NEGR1: variants seen among roughly 807,000 people sequenced by gnomAD.
The protein encoded by NEGR1 is neuronal growth regulator 1, also known as IgLON family member 4.
NEGR1 carries 10 observed loss-of-function variants against 40.9 expected under a neutral mutation model. The observed-to-expected ratio is 0.24, with a 90% CI of 0.15 to 0.42. The LOEUF is 0.42. NEGR1 is among the 10% of genes least tolerant of loss of function. The pLI, the probability that NEGR1 is intolerant of heterozygous loss-of-function variation, is 1.00. For missense variants in NEGR1, 352 were observed against 438.9 expected, an observed-to-expected ratio of 0.80 and a Z score of 1.77; for synonymous variants, 185 against 166.8, an observed-to-expected ratio of 1.11 and a Z score of -0.84.
chr1:71,418,250 A>C (rs1275925347), intron 6 of NEGR1, among the ~76,000 whole-genome samples: 1 of 151,784 alleles, frequency 6.6e-6, no homozygotes, highest in Non-Finnish European at 1.5e-5. Flanking sequence ...TGCAACTTTC[A>C]AAAACAGAAA....
chr1:71,489,572 TTAA>T (rs1217923476), intron 6 of NEGR1: 1 of 151,966 alleles, frequency 6.6e-6, no homozygotes, highest in African/African-American at 2.4e-5. Context: ...CATGGCTGTG[TTAA>T]TAATAATCCA....
At chr1:72,073,952 CA>C in intron 1 of NEGR1, among the ~76,000 whole-genome samples, 1 of 151,972 alleles carries the variant, frequency 6.6e-6, no homozygotes, top group South Asian at 2.1e-4. Context: ...TATAGAAATA[CA>C]AAAGTTTTGA....
chr1:71,439,993 C>A (rs543466457), intron 6 of NEGR1, among the ~76,000 whole-genome samples: 4 of 152,060 alleles, frequency 2.6e-5, no homozygotes, highest in African/African-American at 7.2e-5. Context: ...GTACTTCCTG[C>A]ATAATTTTAT....
At chr1:71,987,509 G>A (rs1646405798) in intron 1 of NEGR1, among the ~76,000 whole-genome samples, 1 of 152,254 alleles carries the variant, frequency 6.6e-6, no homozygotes, top group East Asian at 1.9e-4. Context: ...CAAAGAAAGG[G>A]GCAGAAACAG....
In NEGR1 at chr1:72,101,411, T is replaced by C. The variant is rs113607601; in HGVS notation, c.177-166100A>G. Among the ~76,000 whole-genome samples the C allele has an allele frequency of 6.5e-3, 985 of 152,240 alleles. 14 individuals are homozygous for C. The highest frequency in any genetic ancestry group is 0.023 in the African/African-American group (946 of 41,566). Reference sequence around the variant, plus strand: ...GCAAAGGAATGCTTTTAAAATATTGTTCAATGGTAAATGTGGAATGTAAAA... The same window carrying C: ...GCAAAGGAATGCTTTTAAAATATTGCTCAATGGTAAATGTGGAATGTAAAA... On this transcript the variant is annotated intron_variant, in intron 1 of 6. Transcript: ENST00000357731.
Position 72,073,536 on chromosome 1 carries a change from A to G in NEGR1, c.177-138225T>C, listed in dbSNP as rs189285829. 2.7e-4 allele frequency among the ~76,000 whole-genome samples: 41 copies of G among 152,258 alleles called. No homozygotes were observed. The Middle Eastern group carries it at 0.01, about 38-fold the overall frequency. ...AACACTGTAAGGACTTTGTAATTAT[A>G]ATTACAAGAAATGCACAATGTGATA... On this transcript the variant is annotated intron_variant, in intron 1 of 6. Transcript: ENST00000357731.
intron 2 of NEGR1, among the ~76,000 whole-genome samples, chr1:71,914,592 C>T (rs1661518791): frequency 6.6e-6 from 1 of 152,134 alleles, no homozygotes; most frequent in African/African-American, 2.4e-5. Context: ...TCTCTCTTTC[C>T]TAGAGAAATG....
In NEGR1 at chr1:71,404,150, TTA is replaced by T. The variant is rs555187320; in HGVS notation, c.*3294_*3295del. On this transcript the variant is annotated 3_prime_UTR_variant, in exon 7 of 7. Coordinates refer to ENST00000357731, the MANE Select transcript of NEGR1 (RefSeq NM_173808.3). ...TTTCTGACTTCAAATGTAGGGGTAT[TTA>T]TATATATATATATTTTTTTTTTTCC... 46 of 152,270 alleles carry T rather than the reference TTA, an allele frequency of 3.0e-4. No individual in the cohort carries two copies. Among genetic ancestry groups the T allele is most frequent in the East Asian group, 2.5e-3 (15 of 6,098 alleles). 9.4% of individuals were successfully genotyped at this position (152,270 alleles called of 1,614,324 possible).
chr1:71,838,805 G>T (rs1257926612), intron 2 of NEGR1, among the ~76,000 whole-genome samples: 2 of 152,042 alleles, frequency 1.3e-5, no homozygotes, highest in Admixed American at 1.3e-4. Flanking sequence ...TTAATCAAAT[G>T]AGATTTAATC....
At chr1:71,654,993 C>T (rs1018013054) in intron 4 of NEGR1, among the ~76,000 whole-genome samples, 1 of 152,118 alleles carries the variant, frequency 6.6e-6, no homozygotes, top group Non-Finnish European at 1.5e-5. Flanking sequence ...AATGTATATA[C>T]ATTTGAATTT....
chr1:71,426,519 C>T (rs920737191), intron 6 of NEGR1, among the ~76,000 whole-genome samples: 9 of 150,684 alleles, frequency 6.0e-5, no homozygotes, highest in African/African-American at 2.2e-4. Context: ...ATCAAGCGTA[C>T]TGTAGGTGGT....
At chr1:71,531,102 T>G (rs1370410657) in intron 6 of NEGR1, among the ~76,000 whole-genome samples, 1 of 151,272 alleles carries the variant, frequency 6.6e-6, no homozygotes, top group Non-Finnish European at 1.5e-5. Context: ...TGACTTGAAT[T>G]TTTTTCTAAG....
At chr1:71,702,273 T>C (rs1426306795) in intron 3 of NEGR1, among the ~76,000 whole-genome samples, 1 of 152,084 alleles carries the variant, frequency 6.6e-6, no homozygotes, top group Non-Finnish European at 1.5e-5. Context: ...TGAATAAGAT[T>C]GTTTCCCTTT....
At position 71,406,153 on chromosome 1, in the gene NEGR1, G is replaced by A. The variant is rs935709069; in HGVS notation, c.*1293C>T. On this transcript the variant is annotated 3_prime_UTR_variant, in exon 7 of 7. Transcript: ENST00000357731. ...TGATTTTACTTGTTTGCACTGAAAT[G>A]GCTATATAGAAAGATTTTATTGAAG... is the stretch of plus-strand genomic sequence containing the variant. 6.6e-6 allele frequency: 1 copy of A among 151,804 alleles called. No homozygotes were observed. Among genetic ancestry groups the A allele is most frequent in the Non-Finnish European group, 1.5e-5 (1 of 67,820 alleles). The allele number at this position is 151,804 out of a possible 1,614,324, so 9.4% of individuals were successfully genotyped here. A position where few individuals can be genotyped will look rare whatever the true frequency, so the allele number is the denominator to read the frequency against.
chr1:71,791,797 T>A (rs1657128747), intron 2 of NEGR1, among the ~76,000 whole-genome samples: 1 of 151,846 alleles, frequency 6.6e-6, no homozygotes, highest in South Asian at 2.1e-4. Context: ...CTAACTTTAA[T>A]TGGAAGTAGG....
At chr1:72,110,426 A>C (rs1649315006) in intron 1 of NEGR1, among the ~76,000 whole-genome samples, 1 of 151,554 alleles carries the variant, frequency 6.6e-6, no homozygotes, top group African/African-American at 2.4e-5. Context: ...TATTAAACTG[A>C]TAGAAAAGTA....
At chr1:71,804,699 A>C (rs1456999501) in intron 2 of NEGR1, among the ~76,000 whole-genome samples, 1 of 152,170 alleles carries the variant, frequency 6.6e-6, no homozygotes, top group Non-Finnish European at 1.5e-5. Flanking sequence ...TAATCCCATC[A>C]TCTTTGTAAA....
chr1:71,948,821 G>T (rs371597320), intron 1 of NEGR1, among the ~76,000 whole-genome samples: 3 of 151,964 alleles, frequency 2.0e-5, no homozygotes, highest in Non-Finnish European at 4.4e-5. Flanking sequence ...TAGGAAAACC[G>T]TAAATTTCAA....
intron 1 of NEGR1, among the ~76,000 whole-genome samples, chr1:72,174,396 T>C (rs1392094676): frequency 6.6e-6 from 1 of 152,232 alleles, no homozygotes; most frequent in Non-Finnish European, 1.5e-5. Flanking sequence ...GGAGATTCTA[T>C]ATGTTTGGAT....
Sources: allele counts gnomAD v4.1 joint callset (sites outside exome capture counted in the v4.1 genomes callset), GRCh38; gene constraint gnomAD v4.1.1; transcripts MANE v1.5; gene names NCBI Gene and HGNC (gene_info 2026-07-23, HGNC 2026-07-21).